SDK2: variants seen among roughly 807,000 people sequenced by gnomAD.
SDK2 encodes the protein protein sidekick-2.
Under a neutral mutation model 253.9 loss-of-function variants are expected in SDK2, and 105 were observed. The observed-to-expected ratio is 0.41, with a 90% CI of 0.35 to 0.49. SDK2 has a LOEUF of 0.49. Ranked by LOEUF, SDK2 falls within the 20% of genes least tolerant of loss-of-function variation. The pLI is 0.06. For synonymous variants in SDK2, 1,249 were observed against 1,234.9 expected (o/e 1.01, Z -0.24); for missense variants, 2,608 against 3,003.0 (o/e 0.87, Z 3.07).
intron 4 of SDK2, among the ~76,000 whole-genome samples, chr17:73,450,388 C>T (rs1281230958): frequency 6.6e-6 from 1 of 152,230 alleles, no homozygotes; most frequent in Admixed American, 6.5e-5. Flanking sequence ...AGCCCGCCAC[C>T]TGTCTCTTCC....
intron 2 of SDK2, among the ~76,000 whole-genome samples, chr17:73,497,879 A>C (rs2063855827): frequency 6.6e-6 from 1 of 152,186 alleles, no homozygotes; most frequent in African/African-American, 2.4e-5. Flanking sequence ...ATCTCGCCCC[A>C]GTGTCCTCCT....
intron 10 of SDK2, among the ~76,000 whole-genome samples, chr17:73,433,367 C>T (rs2063342536): frequency 6.6e-6 from 1 of 152,154 alleles, no homozygotes; most frequent in South Asian, 2.1e-4. Flanking sequence ...ACTGCAAGCT[C>T]CACCTCCCAG....
In SDK2 at chr17:73,609,448, A is replaced by AG. The variant is rs1368042754; in HGVS notation, c.64+34576dup. The stretch of plus-strand genomic sequence containing the variant: ...AGTCGCAGGGCTGAGAACCAGCCCC[A>AG]GCAGAGCAGCTTCAGTGGAAGCCCG... On this transcript the variant is annotated intron_variant, in intron 1 of 44. Coordinates refer to ENST00000392650, the MANE Select transcript of SDK2 (RefSeq NM_001144952.2). This position sits in a 1 kb window ranked among gnomAD's most constrained non-coding sequence, Gnocchi z 4.4. 6.6e-6 allele frequency among the ~76,000 whole-genome samples: 1 copy of AG among 152,216 alleles called. No individual in the cohort carries two copies. The highest frequency in any genetic ancestry group is 1.5e-5 in the Non-Finnish European group (1 of 68,034).
At chr17:73,573,070 C>T (rs1253935305) in intron 1 of SDK2, among the ~76,000 whole-genome samples, 3 of 152,192 alleles carry the variant, frequency 2.0e-5, no homozygotes, top group Non-Finnish European at 4.4e-5. Flanking sequence ...TATGGGGCAA[C>T]ACCACCTCCT....
At chr17:73,633,531 C>T (rs2046294357) in intron 1 of SDK2, among the ~76,000 whole-genome samples, 1 of 152,206 alleles carries the variant, frequency 6.6e-6, no homozygotes, top group Non-Finnish European at 1.5e-5. Flanking sequence ...GACTCTTCCA[C>T]TGTGGCCTCT....
chr17:73,425,025 G>C (rs1407509077), intron 12 of SDK2, among the ~76,000 whole-genome samples: 1 of 152,204 alleles, frequency 6.6e-6, no homozygotes, highest in East Asian at 1.9e-4. Context: ...TTTGAGACCA[G>C]TCTGGCCAAC....
chr17:73,531,685 A>G (rs540458417), intron 1 of SDK2, among the ~76,000 whole-genome samples: 87 of 152,186 alleles, frequency 5.7e-4, no homozygotes, highest in Non-Finnish European at 1.1e-3. Flanking sequence ...TCCTGTTCAA[A>G]TTCCTTCAAT....
rs758213361 is a variant in SDK2 at position 73,368,600 on chromosome 17, G to A, written c.4981-7C>T. The A allele has an allele frequency of 9.6e-6, 15 of 1,559,174 alleles. No individual in the cohort carries two copies. Among genetic ancestry groups the A allele is most frequent in the South Asian group, 3.6e-5 (3 of 82,752 alleles). ...GGGCTTCCCAGAAATAAATCTGTGGGAACAGAAGGATGTGGGAGTGAGGGG... is the reference window on the plus strand; with the variant it reads ...GGGCTTCCCAGAAATAAATCTGTGGAAACAGAAGGATGTGGGAGTGAGGGG... On this transcript the variant is annotated splice_polypyrimidine_tract_variant and splice_region_variant and intron_variant, in intron 36 of 44. Coordinates refer to ENST00000392650, the MANE Select transcript of SDK2 (RefSeq NM_001144952.2).
chr17:73,350,743 T>A lies in SDK2; in HGVS notation c.5806A>T (p.Ile1936Phe). 1.2e-6 allele frequency: 2 copies of A among 1,613,426 alleles called. No individual in the cohort carries two copies. Among genetic ancestry groups the A allele is most frequent in the Non-Finnish European group, 1.7e-6 (2 of 1,179,730 alleles). ...FYEEWWFLVVIALVGLIFILL... is the reference protein window; with the variant it reads ...FYEEWWFLVVFALVGLIFILL... ...ATGAAGATGAGGCCGACCAGGGCAA[T>A]GACCACCAAGAACCACCACTCCTCA... The change falls in exon 42 of 45, where the codon ATT (isoleucine) becomes TTT (phenylalanine). Residue 1936 changes from isoleucine to phenylalanine, a missense_variant. By Grantham distance (21) the Ile-to-Phe change is conservative (BLOSUM62 0). Transcript: ENST00000392650.
At chr17:73,342,884 A>G (rs962816328) in intron 44 of SDK2, among the ~76,000 whole-genome samples, 7 of 142,320 alleles carry the variant, frequency 4.9e-5, no homozygotes. Flanking sequence ...GGTATTATCA[A>G]TGGGGACAGT....
chr17:73,574,095 T>A (rs1567851045), intron 1 of SDK2, among the ~76,000 whole-genome samples: 1 of 152,212 alleles, frequency 6.6e-6, no homozygotes, highest in African/African-American at 2.4e-5. Flanking sequence ...ACCTCAGGAA[T>A]GGAAGCTCTG....
intron 1 of SDK2, among the ~76,000 whole-genome samples, chr17:73,583,656 T>C (rs892594082): frequency 3.3e-5 from 5 of 152,184 alleles, no homozygotes; most frequent in Non-Finnish European, 7.4e-5. Flanking sequence ...CAGCGAACAC[T>C]TGGGCTTGCA....
intron 2 of SDK2, 138 bp downstream of exon 2, chr17:73,507,300 G>T: frequency 1.1e-6 from 1 of 903,534 alleles, no homozygotes; most frequent in Non-Finnish European, 1.6e-6. Flanking sequence ...GGCTGCCTTT[G>T]CCACTCACTT....
intron 2 of SDK2, among the ~76,000 whole-genome samples, chr17:73,483,506 T>C (rs2063741151): frequency 9.7e-6 from 1 of 102,828 alleles, no homozygotes; most frequent in Admixed American, 1.1e-4. Context: ...TGTGTGTGTG[T>C]GTGTATGTGT....
At chr17:73,631,302 C>T (rs1011675282) in intron 1 of SDK2, among the ~76,000 whole-genome samples, 2 of 152,140 alleles carry the variant, frequency 1.3e-5, no homozygotes, top group Non-Finnish European at 2.9e-5. Context: ...TACACCAGGG[C>T]ACAGAAAGGA....
chr17:73,605,699 G>T (rs2045898678), intron 1 of SDK2, among the ~76,000 whole-genome samples: 1 of 152,186 alleles, frequency 6.6e-6, no homozygotes, highest in Non-Finnish European at 1.5e-5. Flanking sequence ...GTGCCTCCAT[G>T]CACTGACCTT....
intron 1 of SDK2, among the ~76,000 whole-genome samples, chr17:73,624,868 A>G (rs1374782745): frequency 1.3e-5 from 2 of 152,206 alleles, no homozygotes; most frequent in African/African-American, 2.4e-5. Context: ...TCTGCACCAG[A>G]TACTCCATGC....
intron 1 of SDK2, among the ~76,000 whole-genome samples, chr17:73,577,906 G>T (rs2045478642): frequency 6.6e-6 from 1 of 152,160 alleles, no homozygotes; most frequent in African/African-American, 2.4e-5. Context: ...AATTCTGAGT[G>T]GGACCAGTGT....
At chr17:73,411,943 T>C (rs763137302) in intron 18 of SDK2, among the ~76,000 whole-genome samples, 102 of 136,478 alleles carry the variant, frequency 7.5e-4, no homozygotes, top group Middle Eastern at 3.9e-3. Context: ...AGTTAATTTT[T>C]GTGTGTTTGT....
Sources: allele counts gnomAD v4.1 joint callset (sites outside exome capture counted in the v4.1 genomes callset), GRCh38; gene constraint gnomAD v4.1.1; non-coding constraint Gnocchi (gnomAD v3.1); transcripts MANE v1.5; gene names NCBI Gene and HGNC (gene_info 2026-07-23, HGNC 2026-07-21).